SPAG17: variants seen among roughly 807,000 people sequenced by gnomAD.
The protein encoded by SPAG17 is sperm associated antigen 17.
SPAG17 carries 169 observed loss-of-function variants against 273.6 expected under a neutral mutation model. The ratio of observed to expected loss-of-function variants is 0.62; its 90% CI spans 0.55 to 0.70. The LOEUF is 0.70. SPAG17 is among the 30% of genes least tolerant of loss of function. The pLI is 0.00. For synonymous variants in SPAG17, 825 were observed against 873.2 expected (o/e 0.94, Z 0.97); for missense variants, 2,557 against 2,627.8 (o/e 0.97, Z 0.59).
intron 3 of SPAG17, among the ~76,000 whole-genome samples, chr1:118,132,110 G>C (rs1487392087): frequency 6.6e-6 from 1 of 152,196 alleles, no homozygotes; most frequent in Non-Finnish European, 1.5e-5. Flanking sequence ...GGTAAGCGAG[G>C]GTGCTGTGGT....
At chr1:117,984,024 A>G in intron 41 of SPAG17, 111 bp from the exon 42 acceptor site, 1 of 556,526 alleles carries the variant, frequency 1.8e-6, no homozygotes, top group Non-Finnish European at 3.2e-6. Flanking sequence ...TGCCCTGAAA[A>G]TAAAGTTTAC....
chr1:118,124,115 G>A (rs1205168440), intron 3 of SPAG17, among the ~76,000 whole-genome samples: 1 of 152,218 alleles, frequency 6.6e-6, no homozygotes, highest in Non-Finnish European at 1.5e-5. Context: ...AGCTGAATGT[G>A]ATAACGTATG....
chr1:118,056,809 AGGTAAT>A (rs998195026), intron 18 of SPAG17, among the ~76,000 whole-genome samples: 17 of 152,160 alleles, frequency 1.1e-4, no homozygotes, highest in African/African-American at 4.1e-4. Flanking sequence ...TTCATTTAGA[AGGTAAT>A]GGATATCTCA....
At chr1:118,031,144 T>C (rs577643065) in intron 25 of SPAG17, among the ~76,000 whole-genome samples, 1 of 151,082 alleles carries the variant, frequency 6.6e-6, no homozygotes, top group Non-Finnish European at 1.5e-5. Flanking sequence ...GTGTTTACTA[T>C]GATGAAGGGC....
intron 1 of SPAG17, among the ~76,000 whole-genome samples, chr1:118,174,963 T>C (rs969798942): frequency 3.3e-5 from 5 of 152,276 alleles, no homozygotes; most frequent in Admixed American, 1.3e-4. Flanking sequence ...TAAAACTTCA[T>C]ATAGCCACTT....
chr1:118,092,143 G>C, intron 8 of SPAG17, 141 bp from the exon 9 acceptor site: 3 of 709,686 alleles, frequency 4.2e-6, no homozygotes, highest in Non-Finnish European at 7.2e-6. Flanking sequence ...GCTAATATTA[G>C]AACCAAAGGA....
intron 4 of SPAG17, among the ~76,000 whole-genome samples, chr1:118,108,794 C>T (rs1247093291): frequency 1.3e-5 from 2 of 151,810 alleles, no homozygotes; most frequent in African/African-American, 2.4e-5. Context: ...GATTTCTTAA[C>T]CGGTTAAGTT....
intron 19 of SPAG17, among the ~76,000 whole-genome samples, 176 bp downstream of exon 19, chr1:118,055,557 G>A (rs565307957): frequency 6.6e-6 from 1 of 152,158 alleles, no homozygotes; most frequent in Admixed American, 6.6e-5. Context: ...TTGCACTCAG[G>A]TACAATCCCA....
intron 8 of SPAG17, among the ~76,000 whole-genome samples, chr1:118,092,635 C>A (rs542095105): frequency 2.0e-5 from 3 of 152,284 alleles, no homozygotes; most frequent in East Asian, 3.9e-4. Context: ...CATCGCTAAT[C>A]CTGGTTCAGT....
At chr1:117,976,692 G>T (rs962549385) in intron 43 of SPAG17, among the ~76,000 whole-genome samples, 4 of 152,154 alleles carry the variant, frequency 2.6e-5, no homozygotes, top group African/African-American at 7.2e-5. Flanking sequence ...GAGGTGTGCT[G>T]GTGAATGGTT....
intron 38 of SPAG17, 118 bp from the exon 39 acceptor site, chr1:117,988,322 T>A (rs551303868): frequency 4.1e-5 from 26 of 632,492 alleles, no homozygotes; most frequent in Non-Finnish European, 6.5e-5. Context: ...ATCTATCAAG[T>A]GTTTACTAGG....
At chr1:118,071,257 CA>C (rs1232854358) in intron 17 of SPAG17, among the ~76,000 whole-genome samples, 1 of 150,428 alleles carries the variant, frequency 6.6e-6, no homozygotes, top group East Asian at 1.9e-4. Context: ...GAAGACGAAA[CA>C]AAAAAGACAA....
chr1:117,980,160 A>G (rs1423496774), intron 43 of SPAG17, among the ~76,000 whole-genome samples: 2 of 152,226 alleles, frequency 1.3e-5, no homozygotes, highest in East Asian at 1.9e-4. Context: ...TGAATGAATA[A>G]AACTTGTAGG....
In SPAG17 at chr1:118,008,062, C is replaced by G. The variant is rs1426383010; in HGVS notation, c.4569G>C (p.Lys1523Asn). ...GACCTACCTGGTATGTTCCCTGTGG[C>G]TTTGCAATAATAGTTGTTCCATCTC... ...TFGDGTTIIA[K>N]PQGTYQVLPP... is the part of the protein sequence containing the mutation. Residue 1523 changes from lysine (K) to asparagine (N), a missense_variant, in exon 31 of 49, where the codon AAG (lysine) becomes AAC (asparagine). By Grantham distance (94) the Lys-to-Asn change is moderately conservative (BLOSUM62 0). Coordinates refer to ENST00000336338, the MANE Select transcript of SPAG17 (RefSeq NM_206996.4). 6.2e-7 allele frequency: 1 copy of G among 1,614,020 alleles called. No individual in the cohort carries two copies. Among genetic ancestry groups the G allele is most frequent in the South Asian group, 1.1e-5 (1 of 91,082 alleles).
At chr1:118,053,783 A>G (rs1025051217) in intron 20 of SPAG17, among the ~76,000 whole-genome samples, 2 of 152,074 alleles carry the variant, frequency 1.3e-5, no homozygotes, top group Non-Finnish European at 2.9e-5. Context: ...CCTTTTAAAA[A>G]TAAGCTATAA....
At chr1:118,114,457 T>C (rs1656949455) in intron 4 of SPAG17, among the ~76,000 whole-genome samples, 1 of 152,184 alleles carries the variant, frequency 6.6e-6, no homozygotes. Flanking sequence ...GAAGGCACTA[T>C]TGGAGCATTT....
At chr1:118,068,401 T>A (rs984643663) in intron 17 of SPAG17, among the ~76,000 whole-genome samples, 4 of 152,104 alleles carry the variant, frequency 2.6e-5, no homozygotes, top group Non-Finnish European at 5.9e-5. Context: ...CTGATGTTTT[T>A]TTGAAAAGCA....
At chr1:118,182,461 T>C (rs1033810521) in intron 1 of SPAG17, among the ~76,000 whole-genome samples, 4 of 152,224 alleles carry the variant, frequency 2.6e-5, no homozygotes, top group Admixed American at 2.0e-4. Context: ...ATCATAAATA[T>C]AATGTCTATG....
At chr1:118,074,039 C>T (rs1342909203) in intron 16 of SPAG17, 72 bp from the exon 17 acceptor site, 2 of 984,896 alleles carry the variant, frequency 2.0e-6, no homozygotes, top group Non-Finnish European at 3.0e-6. Context: ...TGGGCTCCGT[C>T]AACTAACCAG....
Sources: gnomAD v4.1 joint callset for allele counts (sites outside exome capture counted in the v4.1 genomes callset) on GRCh38, gnomAD v4.1.1 for gene constraint, MANE v1.5 for transcripts, NCBI Gene and HGNC (gene_info 2026-07-23, HGNC 2026-07-21) for gene names.